The following ADCK1 variants were observed in gnomAD, a reference collection of about 807,000 sequenced individuals.
ADCK1 encodes aarF domain containing kinase 1, also known as aarF domain-containing protein kinase 1.
Under a neutral mutation model 52.3 loss-of-function variants are expected in ADCK1, and 41 were observed. The observed-to-expected ratio is 0.78, with a 90% CI of 0.61 to 1.02. The LOEUF is 1.02. ADCK1 is among the 50% of genes least tolerant of loss of function. The pLI, the probability that ADCK1 is intolerant of heterozygous loss-of-function variation, is 0.00. For missense variants in ADCK1, 658 were observed against 679.5 expected (o/e 0.97, Z 0.35); for synonymous variants, 250 against 274.6 (o/e 0.91, Z 0.89).
intron 3 of ADCK1, among the ~76,000 whole-genome samples, chr14:77,846,090 C>A (rs61990725): frequency 0.086 from 13,145 of 152,140 alleles, 642 homozygotes; most frequent in African/African-American, 0.098. Flanking sequence ...CCAGCTGCCA[C>A]ATGGGGCCTC....
chr14:77,925,805 GC>G lies in ADCK1; in HGVS notation c.1051del (p.Gln351SerfsTer3). ...EFRLNYCHLW[Q>X]SLIWTDMKRV... is the part of the protein sequence containing the mutation. Reference sequence around the variant, plus strand: ...TCCGCCTGAATTACTGCCACCTCTGGCAGTCTCTGATCTGGACTGACATGAA... The same window carrying G: ...TCCGCCTGAATTACTGCCACCTCTGGAGTCTCTGATCTGGACTGACATGAA... On this transcript the variant is annotated frameshift_variant, in exon 9 of 11. Transcript: ENST00000238561. LOFTEE classifies it high-confidence loss of function. 6.2e-7 allele frequency: 1 copy of G among 1,614,194 alleles called. No individual in the cohort carries two copies. The highest frequency in any genetic ancestry group is 8.5e-7 in the Non-Finnish European group (1 of 1,180,014).
At chr14:77,858,632 C>T (rs1289389116) in intron 3 of ADCK1, among the ~76,000 whole-genome samples, 2 of 152,102 alleles carry the variant, frequency 1.3e-5, no homozygotes, top group African/African-American at 2.4e-5. Flanking sequence ...TTAAAAGATA[C>T]CATACATATG....
intron 3 of ADCK1, among the ~76,000 whole-genome samples, chr14:77,855,755 C>G (rs1363718769): frequency 6.6e-6 from 1 of 152,166 alleles, no homozygotes; most frequent in Admixed American, 6.5e-5. Flanking sequence ...GCTGGATTCT[C>G]TCTAATCAAA....
At chr14:77,816,879 T>TAA (rs980027948) in intron 1 of ADCK1, among the ~76,000 whole-genome samples, 2 of 118,768 alleles carry the variant, frequency 1.7e-5, no homozygotes, top group African/African-American at 6.3e-5. Context: ...TAGTAGATGG[T>TAA]AAATATATAT....
chr14:77,920,716 A>G (rs2084029327), intron 7 of ADCK1, among the ~76,000 whole-genome samples: 2 of 152,158 alleles, frequency 1.3e-5, no homozygotes, highest in Admixed American at 6.5e-5. Flanking sequence ...TGGTGCCATC[A>G]TAGCTCACTG....
chr14:77,932,981 C>T (rs140913130), intron 10 of ADCK1, among the ~76,000 whole-genome samples: 89 of 152,350 alleles, frequency 5.8e-4, no homozygotes, highest in African/African-American at 1.7e-3. Context: ...CATTGATGCC[C>T]TGTGAAACAA....
intron 3 of ADCK1, among the ~76,000 whole-genome samples, chr14:77,852,059 T>C (rs1157262117): frequency 1.3e-5 from 2 of 151,906 alleles, no homozygotes; most frequent in Non-Finnish European, 2.9e-5. Flanking sequence ...AGTGCAGTGG[T>C]GCGATCTCGG....
chr14:77,859,972 A>G (rs937077986), intron 4 of ADCK1, among the ~76,000 whole-genome samples: 30 of 152,186 alleles, frequency 2.0e-4, no homozygotes, highest in African/African-American at 7.0e-4. Flanking sequence ...GCCGTGGTCT[A>G]CCATCTGCCT....
intron 3 of ADCK1, among the ~76,000 whole-genome samples, chr14:77,845,606 G>A (rs1482022660): frequency 6.6e-6 from 1 of 152,080 alleles, no homozygotes; most frequent in African/African-American, 2.4e-5. Context: ...TGTATTTTTA[G>A]TAGAGATGAG....
chr14:77,835,686 G>C (rs887670809), intron 3 of ADCK1, among the ~76,000 whole-genome samples: 1 of 152,156 alleles, frequency 6.6e-6, no homozygotes, highest in African/African-American at 2.4e-5. Flanking sequence ...GGAGTATAGT[G>C]GCTTGATCAT....
chr14:77,912,100 T>G (rs2140267823), intron 7 of ADCK1, among the ~76,000 whole-genome samples: 1 of 152,316 alleles, frequency 6.6e-6, no homozygotes, highest in South Asian at 2.1e-4. Flanking sequence ...GGATCTGACG[T>G]CTTTGTCATC....
At chr14:77,853,752 G>A (rs549063722) in intron 3 of ADCK1, among the ~76,000 whole-genome samples, 138 of 152,260 alleles carry the variant, frequency 9.1e-4, no homozygotes, top group Non-Finnish European at 1.6e-3. Flanking sequence ...GGATATGCAC[G>A]TGCTGATTGG....
Position 77,924,532 on chromosome 14 carries a change from G to A in ADCK1, c.934G>A (p.Gly312Ser), listed in dbSNP as rs778016498. 1.4e-5 allele frequency: 22 copies of A among 1,613,968 alleles called. No individual in the cohort carries two copies. In the Admixed American group the frequency reaches 2.7e-4, roughly 20 times the overall value. The change falls in exon 8 of 11, where the codon GGC becomes AGC. Residue 312 changes from glycine to serine, a missense_variant. Gly to Ser is a moderately conservative substitution (Grantham distance 56). Transcript: ENST00000238561. ...CTTCGTGCACTGCGATCCCCACCCC[G>A]GCAATGTACTGGTGCGGAAGCACCC... ...NGFVHCDPHP[G>S]NVLVRKHPGT...
chr14:77,843,862 AT>A (rs2082123177), intron 3 of ADCK1, among the ~76,000 whole-genome samples: 1 of 152,166 alleles, frequency 6.6e-6, no homozygotes, highest in African/African-American at 2.4e-5. Context: ...TGTTTTATTC[AT>A]TAAGCTTTCT....
intron 3 of ADCK1, among the ~76,000 whole-genome samples, chr14:77,849,521 A>G (rs563848345): frequency 6.6e-6 from 1 of 152,128 alleles, no homozygotes; most frequent in South Asian, 2.1e-4. Context: ...GGCTCACTAC[A>G]ACCTTGACCT....
chr14:77,900,128 A>G (rs1434903195), intron 6 of ADCK1, among the ~76,000 whole-genome samples: 1 of 152,058 alleles, frequency 6.6e-6, no homozygotes, highest in Non-Finnish European at 1.5e-5. Flanking sequence ...AGAAAAGAAG[A>G]TAGGAATGAA....
chr14:77,807,032 C>T (rs1343145271), intron 1 of ADCK1, among the ~76,000 whole-genome samples: 3 of 131,786 alleles, frequency 2.3e-5, no homozygotes, highest in African/African-American at 8.7e-5. Flanking sequence ...GCCACTCTCT[C>T]TCTCTCTTTT....
intron 4 of ADCK1, among the ~76,000 whole-genome samples, chr14:77,870,542 G>A (rs1270441162): frequency 1.3e-5 from 2 of 152,178 alleles, no homozygotes; most frequent in African/African-American, 4.8e-5. Context: ...GGGGCCCTGC[G>A]AGGAGGCTCT....
chr14:77,900,334 C>T (rs113849414), intron 6 of ADCK1, among the ~76,000 whole-genome samples: 6 of 151,992 alleles, frequency 3.9e-5, no homozygotes, highest in Non-Finnish European at 8.8e-5. Context: ...TGGCAGTAAT[C>T]GCAGTTCTTT....
Sources: gnomAD v4.1 joint callset for allele counts (sites outside exome capture counted in the v4.1 genomes callset) on GRCh38, gnomAD v4.1.1 for gene constraint, MANE v1.5 for transcripts, NCBI Gene and HGNC (gene_info 2026-07-23, HGNC 2026-07-21) for gene names.